FAM222A: variants seen among roughly 807,000 people sequenced by gnomAD.
The protein encoded by FAM222A is protein FAM222A.
A neutral mutation model predicts 25.8 loss-of-function variants in FAM222A; 7 were observed. The ratio of observed to expected loss-of-function variants is 0.27; its 90% CI spans 0.15 to 0.51. The LOEUF (loss-of-function observed/expected upper bound fraction) is 0.51. FAM222A is among the 20% of genes least tolerant of loss of function. FAM222A has a pLI of 0.97. For missense variants in FAM222A, 573 were observed against 640.5 expected (o/e 0.89, Z 1.14); for synonymous variants, 294 against 298.8 (o/e 0.98, Z 0.17).
intron 2 of FAM222A, among the ~76,000 whole-genome samples, chr12:109,749,599 C>T (rs902707649): frequency 1.3e-5 from 2 of 152,054 alleles, no homozygotes; most frequent in African/African-American, 4.8e-5. Flanking sequence ...TTGGTGTATA[C>T]CAATTTTATC....
At chr12:109,758,986 T>A (rs570729085) in intron 2 of FAM222A, among the ~76,000 whole-genome samples, 1 of 152,162 alleles carries the variant, frequency 6.6e-6, no homozygotes, top group Admixed American at 6.5e-5. Context: ...CCTTTCACTC[T>A]CCCCTCTCCT....
At position 109,768,657 on chromosome 12, in the gene FAM222A, C is replaced by T; in HGVS notation, c.728C>T (p.Ala243Val). ...CCAGTGCCCAGCTTCCCCAGCATGGCCTACTCGGCTGCAGCCGGTCTGCCC... is the reference window on the plus strand; with the variant it reads ...CCAGTGCCCAGCTTCCCCAGCATGGTCTACTCGGCTGCAGCCGGTCTGCCC... ...HGPVPSFPSM[A>V]YSAAAGLPDC... Residue 243 changes from alanine (A) to valine (V), a missense_variant, in exon 3 of 3, where the codon GCC (alanine) becomes GTC (valine). Around this residue, in one of 3 missense-constraint regions of FAM222A, gnomAD observed 412 missense variants for 407.0 expected, o/e 1.01. Coordinates refer to ENST00000538780, the MANE Select transcript of FAM222A (RefSeq NM_032829.3). 3 of 1,599,224 alleles carry T rather than the reference C, an allele frequency of 1.9e-6. No homozygotes were observed. In the South Asian group the frequency reaches 3.3e-5, roughly 18 times the overall value.
intron 1 of FAM222A, among the ~76,000 whole-genome samples, chr12:109,715,273 C>A (rs965698376): frequency 6.6e-6 from 1 of 152,364 alleles, no homozygotes; most frequent in Middle Eastern, 3.4e-3. Flanking sequence ...TCCCGAGCAG[C>A]CTCTGAGATC....
Position 109,769,570 on chromosome 12 carries a change from C to T in FAM222A, c.*282C>T, listed in dbSNP as rs1362031080. On this transcript the variant is annotated 3_prime_UTR_variant, in exon 3 of 3. Coordinates refer to ENST00000538780, the MANE Select transcript of FAM222A (RefSeq NM_032829.3). ...CTTCCTTTATCTAAGCTGGCAGAGGCAGGGAGAGAGAAACCACTCAAAAAC... is the reference window on the plus strand; with the variant it reads ...CTTCCTTTATCTAAGCTGGCAGAGGTAGGGAGAGAGAAACCACTCAAAAAC... The T allele has an allele frequency of 1.4e-5, 7 of 486,908 alleles. No homozygotes were observed. The highest frequency in any genetic ancestry group is 2.2e-5 in the Non-Finnish European group (6 of 274,498). 30.2% of individuals were successfully genotyped at this position (486,908 alleles called of 1,614,324 possible). A position where few individuals can be genotyped will look rare whatever the true frequency, so the allele number is the denominator to read the frequency against.
intron 2 of FAM222A, 26 bp from the exon 3 acceptor site, chr12:109,767,986 C>A (rs1889105123): frequency 1.2e-6 from 2 of 1,601,046 alleles, no homozygotes; most frequent in Non-Finnish European, 8.5e-7. Context: ...TCCTGATGGG[C>A]CCTCACACCT....
chr12:109,763,910 A>C (rs2136383262), intron 2 of FAM222A, among the ~76,000 whole-genome samples: 1 of 152,218 alleles, frequency 6.6e-6, no homozygotes, highest in Non-Finnish European at 1.5e-5. Flanking sequence ...GGGGCCTCCA[A>C]ACGAGAGTCA....
chr12:109,744,320 C>T (rs551775593), intron 2 of FAM222A, 92 bp downstream of exon 2: 34 of 1,489,188 alleles, frequency 2.3e-5, no homozygotes, highest in African/African-American at 2.2e-4. Flanking sequence ...ATGGCCCTGT[C>T]GGAAAGTCTC....
chr12:109,767,667 C>T (rs527903542), intron 2 of FAM222A, among the ~76,000 whole-genome samples: 50 of 152,314 alleles, frequency 3.3e-4, no homozygotes, highest in South Asian at 1.5e-3. Flanking sequence ...CATCTTACCA[C>T]ATACACAAAC....
intron 2 of FAM222A, among the ~76,000 whole-genome samples, chr12:109,766,763 G>C (rs1186781884): frequency 2.6e-5 from 4 of 152,188 alleles, no homozygotes; most frequent in Non-Finnish European, 4.4e-5. Context: ...GCCTGGCATG[G>C]TCTCACGGAT....
intron 2 of FAM222A, among the ~76,000 whole-genome samples, chr12:109,753,243 G>A (rs1370071320): frequency 2.0e-5 from 3 of 152,134 alleles, no homozygotes; most frequent in Non-Finnish European, 4.4e-5. Context: ...GTCCCAGGAG[G>A]CAGACATGAG....
chr12:109,759,907 G>A (rs1029697345), intron 2 of FAM222A, among the ~76,000 whole-genome samples: 13 of 152,354 alleles, frequency 8.5e-5, no homozygotes, highest in Non-Finnish European at 1.3e-4. Context: ...ATCTGCCCTA[G>A]AAGGTCTCCA....
At position 109,768,483 on chromosome 12, in the gene FAM222A, C is replaced by T. The variant is rs549265860; in HGVS notation, c.554C>T (p.Pro185Leu). ...AATAASVIPLPGRGLPLPPSN... is the reference protein window; with the variant it reads ...AATAASVIPLLGRGLPLPPSN... ...ACTGCCGCCTCCGTCATCCCCCTGC[C>T]GGGCCGGGGCCTGCCCCTGCCACCT... is the stretch of plus-strand genomic sequence containing the variant. Residue 185 changes from proline (P) to leucine (L), a missense_variant, in exon 3 of 3, where the codon CCG becomes CTG. This residue lies in a region of FAM222A where 412 missense variants were observed against 407.0 expected (regional missense o/e 1.01). Coordinates refer to ENST00000538780, the MANE Select transcript of FAM222A (RefSeq NM_032829.3). 3.6e-5 allele frequency: 58 copies of T among 1,604,022 alleles called. No homozygotes were observed. In the Middle Eastern group the frequency reaches 6.6e-4, roughly 18 times the overall value.
intron 2 of FAM222A, among the ~76,000 whole-genome samples, chr12:109,766,063 C>T (rs1202600010): frequency 4.6e-5 from 7 of 152,220 alleles, no homozygotes; most frequent in Admixed American, 1.3e-4. Flanking sequence ...GAGCTCCAAG[C>T]ACCTATCATG....
At chr12:109,736,859 C>G (rs534287947) in intron 1 of FAM222A, among the ~76,000 whole-genome samples, 9 of 152,276 alleles carry the variant, frequency 5.9e-5, no homozygotes, top group Admixed American at 2.0e-4. Flanking sequence ...GAATGGCCAC[C>G]TACCCCCAGA....
intron 2 of FAM222A, among the ~76,000 whole-genome samples, chr12:109,765,561 C>T (rs1216688821): frequency 1.3e-5 from 2 of 152,240 alleles, no homozygotes; most frequent in African/African-American, 4.8e-5. Context: ...CTTTTCACCT[C>T]TTCTACCAGT....
chr12:109,755,495 A>G (rs1888700296), intron 2 of FAM222A, among the ~76,000 whole-genome samples: 1 of 151,300 alleles, frequency 6.6e-6, no homozygotes, highest in African/African-American at 2.4e-5. Context: ...TGGCCAGCTA[A>G]TTTTGTATTT....
chr12:109,733,595 G>C (rs532072486), intron 1 of FAM222A, among the ~76,000 whole-genome samples: 90 of 152,164 alleles, frequency 5.9e-4, no homozygotes, highest in African/African-American at 1.6e-3. Context: ...AGTAGAGAGG[G>C]GGTTTCACCG....
Position 109,768,817 on chromosome 12 carries a change from G to GC in FAM222A, c.892dup (p.Gln298ProfsTer17). ...GGCCGCAGAAACCGCCCCCACCGCC[G>GC]CCCCAGCCACTGCGTGCCTACAGTG... On this transcript the variant is annotated frameshift_variant, in exon 3 of 3. Transcript: ENST00000538780. LOFTEE classifies it high-confidence loss of function. 6.4e-7 allele frequency: 1 copy of GC among 1,573,566 alleles called. No individual in the cohort carries two copies. Among genetic ancestry groups the GC allele is most frequent in the Non-Finnish European group, 8.6e-7 (1 of 1,166,258 alleles).
chr12:109,748,310 A>G (rs1888459620), intron 2 of FAM222A, among the ~76,000 whole-genome samples: 1 of 149,590 alleles, frequency 6.7e-6, no homozygotes, highest in Admixed American at 6.7e-5. Context: ...GTCTCGTCAA[A>G]GAGATTGTTC....
Sources: allele counts gnomAD v4.1 joint callset (sites outside exome capture counted in the v4.1 genomes callset), GRCh38; gene constraint gnomAD v4.1.1; regional missense constraint gnomAD v4.1.1; transcripts MANE v1.5; gene names NCBI Gene and HGNC (gene_info 2026-07-23, HGNC 2026-07-21).